CAMK2A: variants seen among roughly 807,000 people sequenced by gnomAD.
CAMK2A encodes calcium/calmodulin dependent protein kinase II alpha.
A neutral mutation model predicts 79.2 loss-of-function variants in CAMK2A; 7 were observed. The observed-to-expected ratio is 0.09, with a 90% CI of 0.05 to 0.17. CAMK2A has a LOEUF of 0.17. Among genes scored for constraint, CAMK2A ranks in the 10% least tolerant of loss-of-function variants. The pLI, the probability that CAMK2A is intolerant of heterozygous loss-of-function variation, is 1.00. For missense variants in CAMK2A, 214 were observed against 646.4 expected (o/e 0.33, Z 7.25); for synonymous variants, 242 against 251.7 (o/e 0.96, Z 0.36).
In CAMK2A at chr5:150,256,554, C is replaced by G. The variant is rs1254854103; in HGVS notation, c.411+19G>C. ...AGAGGGGCTCCCGGGGTGAGCCACA[C>G]CCACGGTGGGTTGCTCACCTTCAGG... On this transcript the variant is annotated intron_variant, in intron 6 of 18. Coordinates refer to ENST00000671881, the MANE Select transcript of CAMK2A (RefSeq NM_015981.4). The surrounding 1 kb of genome is among the most constrained non-coding windows in gnomAD (Gnocchi z 4.6). The G allele has an allele frequency of 1.2e-6, 2 of 1,604,154 alleles. No individual in the cohort carries two copies. The highest frequency in any genetic ancestry group is 2.7e-5 in the African/African-American group (2 of 74,702).
At chr5:150,268,337 C>G (rs541321278) in intron 2 of CAMK2A, among the ~76,000 whole-genome samples, 107 of 152,276 alleles carry the variant, frequency 7.0e-4, no homozygotes, top group African/African-American at 2.5e-3. Flanking sequence ...CCCTGACACA[C>G]CAAGCTCCTT....
chr5:150,255,710 A>G (rs939319144), intron 6 of CAMK2A, among the ~76,000 whole-genome samples: 2 of 152,316 alleles, frequency 1.3e-5, no homozygotes, highest in South Asian at 4.1e-4. Context: ...GACATCTGGC[A>G]GGGTCACCCT....
chr5:150,272,428 C>T (rs772192315), intron 2 of CAMK2A, among the ~76,000 whole-genome samples: 2 of 151,920 alleles, frequency 1.3e-5, no homozygotes, highest in Admixed American at 6.6e-5. Context: ...AAAAATTAGC[C>T]GGGCATGGCG....
intron 2 of CAMK2A, 108 bp from the exon 3 acceptor site, chr5:150,265,123 G>A: frequency 1.2e-6 from 1 of 839,076 alleles, no homozygotes; most frequent in South Asian, 1.4e-5. Flanking sequence ...GCAGCCCCTG[G>A]GGGCTGGGAA....
chr5:150,288,228 A>AC (rs1435087205), intron 1 of CAMK2A, among the ~76,000 whole-genome samples: 2 of 152,060 alleles, frequency 1.3e-5, no homozygotes, highest in African/African-American at 4.8e-5. Context: ...GAGCATCCTC[A>AC]CACACCCCTA....
intron 16 of CAMK2A, among the ~76,000 whole-genome samples, chr5:150,230,597 T>C (rs1306860456): frequency 1.3e-5 from 2 of 152,200 alleles, no homozygotes; most frequent in African/African-American, 2.4e-5. Context: ...CCAAAATATT[T>C]GCTCTCCCGG....
rs372475680 is a variant in CAMK2A, at chr5:150,222,666, T to C, written c.*44A>G. 21 of 1,611,054 alleles carry C rather than the reference T, an allele frequency of 1.3e-5. No homozygotes were observed. The highest frequency in any genetic ancestry group is 1.7e-5 in the Admixed American group (1 of 59,988). On this transcript the variant is annotated 3_prime_UTR_variant, in exon 19 of 19. Transcript: ENST00000671881. ...CAGCAGCTCCACTCCACGGACAGAG[T>C]GGATCTCTGCGGCACAGCAACGCAG...
At position 150,220,586 on chromosome 5, in the gene CAMK2A, C is replaced by T. The variant is rs531997567; in HGVS notation, c.*2124G>A. ...CCCCTGGTGAAGGCCACACCCTCACCCTTGACTGGGGATGGCTGTAGGGAA... is the reference window on the plus strand; with the variant it reads ...CCCCTGGTGAAGGCCACACCCTCACTCTTGACTGGGGATGGCTGTAGGGAA... On this transcript the variant is annotated 3_prime_UTR_variant, in exon 19 of 19. Coordinates refer to ENST00000671881, the MANE Select transcript of CAMK2A (RefSeq NM_015981.4). 1.3e-5 allele frequency: 2 copies of T among 152,466 alleles called. No individual in the cohort carries two copies. Among genetic ancestry groups the T allele is most frequent in the Admixed American group, 1.3e-4 (2 of 15,304 alleles). The allele number at this position is 152,466 out of a possible 1,614,324, so 9.4% of individuals were successfully genotyped here. A position where few individuals can be genotyped will look rare whatever the true frequency, so the allele number is the denominator to read the frequency against.
chr5:150,283,629 C>G (rs1047728550), intron 1 of CAMK2A, among the ~76,000 whole-genome samples: 3 of 152,196 alleles, frequency 2.0e-5, no homozygotes, highest in African/African-American at 7.2e-5. Flanking sequence ...CCCAACTAAT[C>G]GAGGTCTCTT....
At position 150,222,574 on chromosome 5, in the gene CAMK2A, AG is replaced by A; in HGVS notation, c.*135del. 2 of 949,012 alleles carry A rather than the reference AG, an allele frequency of 2.1e-6. No homozygotes were observed. The allele number at this position is 949,012 out of a possible 1,614,324, so 58.8% of individuals were successfully genotyped here. Reference sequence around the variant, plus strand: ...GTGAACAAGCAGGTTTTCTTGATGCAGGTACAGAAGTGACGGTGGTGGGGTG... The same window carrying A: ...GTGAACAAGCAGGTTTTCTTGATGCAGTACAGAAGTGACGGTGGTGGGGTG... On this transcript the variant is annotated 3_prime_UTR_variant, in exon 19 of 19. Transcript: ENST00000671881.
intron 1 of CAMK2A, among the ~76,000 whole-genome samples, chr5:150,276,939 A>G (rs994372848): frequency 6.6e-6 from 1 of 152,214 alleles, no homozygotes; most frequent in East Asian, 1.9e-4. Flanking sequence ...CTTTAAAAAA[A>G]AAGATTCTGG....
chr5:150,231,248 G>T, intron 16 of CAMK2A, 57 bp downstream of exon 16: 2 of 1,003,210 alleles, frequency 2.0e-6, no homozygotes, highest in South Asian at 1.6e-5. Flanking sequence ...GTTAGCCATT[G>T]GTACCCCCTG....
At chr5:150,239,665 C>A (rs771717855) in intron 14 of CAMK2A, 39 bp downstream of exon 14, 10 of 1,607,500 alleles carry the variant, frequency 6.2e-6, no homozygotes, top group Middle Eastern at 1.6e-4. Flanking sequence ...GGGTTCGAGG[C>A]CCAGCATTTA....
chr5:150,240,549 G>A (rs568064612), intron 13 of CAMK2A, among the ~76,000 whole-genome samples: 8 of 152,264 alleles, frequency 5.3e-5, no homozygotes, highest in African/African-American at 1.7e-4. Context: ...TATTGGCTAC[G>A]GTACCAAGAG....
chr5:150,232,396 A>C (rs1754882519), intron 15 of CAMK2A, among the ~76,000 whole-genome samples: 1 of 152,188 alleles, frequency 6.6e-6, no homozygotes, highest in Non-Finnish European at 1.5e-5. Context: ...GGCCCCTGCC[A>C]GGGGTTGCCT....
intron 6 of CAMK2A, 73 bp from the exon 7 acceptor site, chr5:150,253,619 C>A (rs749767754): frequency 5.5e-5 from 69 of 1,252,782 alleles, no homozygotes; most frequent in Non-Finnish European, 7.6e-5. Context: ...CAGAGCCTCA[C>A]CTCTAGGGGC....
intron 15 of CAMK2A, among the ~76,000 whole-genome samples, chr5:150,235,405 G>C (rs1445853605): frequency 1.3e-5 from 2 of 152,202 alleles, no homozygotes; most frequent in Non-Finnish European, 2.9e-5. Flanking sequence ...TCTGCCAGCT[G>C]TTCACCCAGA....
At chr5:150,237,100 T>C (rs1286845031) in intron 15 of CAMK2A, among the ~76,000 whole-genome samples, 2 of 152,082 alleles carry the variant, frequency 1.3e-5, no homozygotes, top group Non-Finnish European at 2.9e-5. Context: ...GTTGTGGTGA[T>C]AGAGTACCCA....
rs752734160 is a variant in CAMK2A at position 150,221,888 on chromosome 5, C to T, written c.*822G>A. Reference sequence around the variant, plus strand: ...TATCCATTAACGCGAAATCCATTTACGAAATACACAGAAATTTGGCTATAA... The same window carrying T: ...TATCCATTAACGCGAAATCCATTTATGAAATACACAGAAATTTGGCTATAA... On this transcript the variant is annotated 3_prime_UTR_variant, in exon 19 of 19. Transcript: ENST00000671881. The T allele has an allele frequency of 6.3e-6, 2 of 318,082 alleles. No homozygotes were observed. The highest frequency in any genetic ancestry group is 1.1e-5 in the Non-Finnish European group (2 of 176,456). The allele number at this position is 318,082 out of a possible 1,614,324, so 19.7% of individuals were successfully genotyped here. A position where few individuals can be genotyped will look rare whatever the true frequency, so the allele number is the denominator to read the frequency against.
Sources: allele counts gnomAD v4.1 joint callset (sites outside exome capture counted in the v4.1 genomes callset), GRCh38; gene constraint gnomAD v4.1.1; non-coding constraint Gnocchi (gnomAD v3.1); transcripts MANE v1.5; gene names NCBI Gene and HGNC (gene_info 2026-07-23, HGNC 2026-07-21).